Variants in RBPJL observed in about 807,000 individuals in gnomAD.
RBPJL encodes recombination signal binding protein for immunoglobulin kappa J region like.
Under a neutral mutation model 57.6 loss-of-function variants are expected in RBPJL, and 50 were observed. That is an observed-to-expected ratio of 0.87 (90% CI 0.69 to 1.10). RBPJL has a LOEUF of 1.10. Among genes scored for constraint, RBPJL ranks in the 50% least tolerant of loss-of-function variants. RBPJL has a pLI of 0.00. For synonymous variants in RBPJL, 303 were observed against 294.4 expected, an observed-to-expected ratio of 1.03 and a Z score of -0.30; for missense variants, 684 against 693.7, an observed-to-expected ratio of 0.99 and a Z score of 0.16.
At chr20:45,311,185 A>G (rs1987146906) in intron 3 of RBPJL, among the ~76,000 whole-genome samples, 1 of 150,114 alleles carries the variant, frequency 6.7e-6, no homozygotes, top group African/African-American at 2.5e-5. Context: ...AAAAGAAAGA[A>G]AGAGAGAGGA....
rs1216399927 is a variant in RBPJL, at chr20:45,316,765, A to G, written c.1360A>G (p.Thr454Ala). 6 of 1,613,608 alleles carry G rather than the reference A, an allele frequency of 3.7e-6. No homozygotes were observed. The Admixed American group carries it at 1.0e-4, about 27-fold the overall frequency. Reference protein sequence around the residue: ...SDWRWLRAPITIPMSLVRADG... With the variant: ...SDWRWLRAPIAIPMSLVRADG... ...CTGGCGCTGGCTGCGCGCTCCCATC[A>G]CAATCCCCATGAGCCTGGTGCGCGC... Residue 454 changes from threonine to alanine, a missense_variant, in exon 12 of 12, where the codon ACA (threonine) becomes GCA (alanine). Physicochemically the swap from Thr to Ala is moderately conservative, Grantham distance 58. Transcript: ENST00000343694.
chr20:45,311,528 T>C, intron 3 of RBPJL, 61 bp from the exon 4 acceptor site: 1 of 1,519,916 alleles, frequency 6.6e-7, no homozygotes, highest in East Asian at 2.3e-5. Flanking sequence ...TACCTTGCCG[T>C]GCTTACAGGA....
At position 45,314,486 on chromosome 20, in the gene RBPJL, C is replaced by T. The variant is rs755264227; in HGVS notation, c.941C>T (p.Ala314Val). The change falls in exon 9 of 12, where the codon GCA becomes GTA. Residue 314 changes from alanine (A) to valine (V), a missense_variant. Physicochemically the swap from Ala to Val is moderately conservative, Grantham distance 64. Coordinates refer to ENST00000343694, the MANE Select transcript of RBPJL (RefSeq NM_014276.4). ...CCCATCTCCCAGCTGCACAAGTGTG[C>T]ATTCCAGTTTCCAGGCAGTCCCCCA... is the stretch of plus-strand genomic sequence containing the variant. The part of the protein sequence containing the change: ...DEPISQLHKC[A>V]FQFPGSPPGG... 1 of 1,614,204 alleles carries T rather than the reference C, an allele frequency of 6.2e-7. No homozygotes were observed. Among genetic ancestry groups the T allele is most frequent in the Non-Finnish European group, 8.5e-7 (1 of 1,180,012 alleles).
rs1987296214 is a variant in RBPJL at position 45,313,454 on chromosome 20, C to T, written c.620-14C>T. The T allele has an allele frequency of 6.2e-7, 1 of 1,604,486 alleles. No individual in the cohort carries two copies. The highest frequency in any genetic ancestry group is 8.5e-7 in the Non-Finnish European group (1 of 1,174,898). On this transcript the variant is annotated splice_polypyrimidine_tract_variant and intron_variant, in intron 6 of 11. Coordinates refer to ENST00000343694, the MANE Select transcript of RBPJL (RefSeq NM_014276.4). ...CCCTCACCCTCACCCTAACCCTGAC[C>T]CTCACCCTCACAGTGTGCATATCCT... is the stretch of plus-strand genomic sequence containing the variant.
At chr20:45,316,068 C>T in intron 9 of RBPJL, 119 bp from the exon 10 acceptor site, 3 of 931,740 alleles carry the variant, frequency 3.2e-6, no homozygotes, top group Non-Finnish European at 4.8e-6. Flanking sequence ...AAGTGAACCC[C>T]AGAGCCTAGG....
intron 3 of RBPJL, among the ~76,000 whole-genome samples, chr20:45,310,702 G>C (rs1987124066): frequency 6.6e-6 from 1 of 152,198 alleles, no homozygotes; most frequent in Non-Finnish European, 1.5e-5. Context: ...TGAAATCAGA[G>C]GGAGGAGTTG....
intron 6 of RBPJL, 79 bp from the exon 7 acceptor site, chr20:45,313,383 TAACCCC>T (rs1987290021): frequency 3.5e-6 from 4 of 1,143,684 alleles, no homozygotes; most frequent in Non-Finnish European, 4.8e-6. Context: ...ACCCTAACCC[TAACCCC>T]AATCCTAACC....
intron 2 of RBPJL, among the ~76,000 whole-genome samples, chr20:45,308,817 C>T (rs920442666): frequency 2.0e-5 from 3 of 152,048 alleles, no homozygotes. Context: ...TCGGGCCTAC[C>T]CACCCACACC....
At chr20:45,311,795 C>A in intron 4 of RBPJL, 44 bp from the exon 5 acceptor site, 1 of 1,528,692 alleles carries the variant, frequency 6.5e-7, no homozygotes, top group Non-Finnish European at 8.9e-7. Context: ...CTGGCACCTG[C>A]GTCCTCCCGA....
intron 5 of RBPJL, 99 bp from the exon 6 acceptor site, chr20:45,312,122 T>A: frequency 1.3e-6 from 2 of 1,493,616 alleles, no homozygotes; most frequent in Non-Finnish European, 1.8e-6. Context: ...GAGCTTCTGG[T>A]CACCTCCGAC....
At chr20:45,315,638 G>A (rs994453015) in intron 9 of RBPJL, among the ~76,000 whole-genome samples, 3 of 151,818 alleles carry the variant, frequency 2.0e-5, no homozygotes, top group Non-Finnish European at 4.4e-5. Context: ...CTACCCGGGC[G>A]CCTGAGGCAG....
chr20:45,314,940 G>T (rs1192389395), intron 9 of RBPJL, among the ~76,000 whole-genome samples: 2 of 152,068 alleles, frequency 1.3e-5, no homozygotes, highest in East Asian at 3.9e-4. Flanking sequence ...AAAATTAGCT[G>T]GGCATGGCAG....
Position 45,308,155 on chromosome 20 carries a change from C to T in RBPJL, c.35C>T (p.Pro12Leu), listed in dbSNP as rs751195520. ...TACTCCCCTGCAGACCCCTCAGTGC[C>T]TCCCAATCCTTTGACTCACCTGAGC... ...DPAGAADPSV[P>L]PNPLTHLSLQ... Residue 12 changes from proline to leucine, a missense_variant, in exon 2 of 12, where the codon CCT becomes CTT. Physicochemically the swap from Pro to Leu is moderately conservative, Grantham distance 98 (BLOSUM62 -3). Coordinates refer to ENST00000343694, the MANE Select transcript of RBPJL (RefSeq NM_014276.4). 4 of 1,613,620 alleles carry T rather than the reference C, an allele frequency of 2.5e-6. No homozygotes were observed. Among genetic ancestry groups the T allele is most frequent in the Non-Finnish European group, 3.4e-6 (4 of 1,179,536 alleles).
intron 9 of RBPJL, 133 bp from the exon 10 acceptor site, chr20:45,316,054 G>A (rs1193405197): frequency 1.3e-6 from 1 of 759,048 alleles, no homozygotes; most frequent in African/African-American, 1.7e-5. Context: ...CAAGCTGAGG[G>A]GACAAGTGAA....
Position 45,317,304 on chromosome 20 carries a change from T to C in RBPJL, c.*345T>C. The C allele has an allele frequency of 6.7e-6, 2 of 296,416 alleles. No homozygotes were observed. The highest frequency in any genetic ancestry group is 1.2e-5 in the Non-Finnish European group (2 of 160,638). 18.4% of individuals were successfully genotyped at this position (296,416 alleles called of 1,614,324 possible). On this transcript the variant is annotated 3_prime_UTR_variant, in exon 12 of 12. Coordinates refer to ENST00000343694, the MANE Select transcript of RBPJL (RefSeq NM_014276.4). The stretch of plus-strand genomic sequence containing the variant: ...TGTGCGTGTCCCTATCCTTCTGTCC[T>C]TTTCTCTCTTCAGCTCTCCCTGCCT...
chr20:45,314,007 CT>C, intron 7 of RBPJL, 27 bp from the exon 8 acceptor site: 1 of 1,547,338 alleles, frequency 6.5e-7, no homozygotes, highest in Non-Finnish European at 8.9e-7. Flanking sequence ...CGCTGAAAAC[CT>C]TGTCCCTTGC....
At position 45,311,653 on chromosome 20, in the gene RBPJL, G is replaced by A; in HGVS notation, c.322G>A (p.Asp108Asn). Residue 108 changes from aspartate to asparagine, a missense_variant, in exon 4 of 12, where the codon GAT becomes AAT. Physicochemically the swap from Asp to Asn is conservative, Grantham distance 23. Transcript: ENST00000343694. ...TGGCTGGAGGGTGAAGCCAGGGCAGGATCAAGGTGAGGGCGGAATCAAGGG... is the reference window on the plus strand; with the variant it reads ...TGGCTGGAGGGTGAAGCCAGGGCAGAATCAAGGTGAGGGCGGAATCAAGGG... Reference protein sequence around the residue: ...GPGWRVKPGQDQAHQAGETGP... With the variant: ...GPGWRVKPGQNQAHQAGETGP... 1 of 1,614,134 alleles carries A rather than the reference G, an allele frequency of 6.2e-7. No homozygotes were observed. Among genetic ancestry groups the A allele is most frequent in the Non-Finnish European group, 8.5e-7 (1 of 1,180,018 alleles).
chr20:45,316,717 G>A lies in RBPJL; in HGVS notation c.1312G>A (p.Asp438Asn). The change falls in exon 12 of 12, where the codon GAC (aspartate) becomes AAC (asparagine). Residue 438 changes from aspartate (D) to asparagine (N), a missense_variant. Coordinates refer to ENST00000343694, the MANE Select transcript of RBPJL (RefSeq NM_014276.4). ...SPRSLVCVVP[D>N]VAAFCSDWRW... ...GCGGTCCCTGGTGTGCGTGGTGCCGGACGTGGCGGCCTTCTGCAGCGACTG... is the reference window on the plus strand; with the variant it reads ...GCGGTCCCTGGTGTGCGTGGTGCCGAACGTGGCGGCCTTCTGCAGCGACTG... 1.2e-6 allele frequency: 2 copies of A among 1,611,436 alleles called. No homozygotes were observed. Among genetic ancestry groups the A allele is most frequent in the Non-Finnish European group, 1.7e-6 (2 of 1,178,670 alleles).
intron 1 of RBPJL, 122 bp downstream of exon 1, chr20:45,307,066 C>G: frequency 1.7e-6 from 1 of 575,960 alleles, no homozygotes; most frequent in Non-Finnish European, 2.6e-6. Flanking sequence ...GCCCGCCGAA[C>G]TGCAAAAGCA....
Sources: gnomAD v4.1 joint callset for allele counts (sites outside exome capture counted in the v4.1 genomes callset) on GRCh38, gnomAD v4.1.1 for gene constraint, MANE v1.5 for transcripts, NCBI Gene and HGNC (gene_info 2026-07-23, HGNC 2026-07-21) for gene names.